Variants in SLC25A17 observed in about 807,000 individuals in gnomAD.
SLC25A17 encodes the protein solute carrier family 25 member 17, also known as peroxisomal membrane protein PMP34.
A neutral mutation model predicts 38.5 loss-of-function variants in SLC25A17; 26 were observed. The ratio of observed to expected loss-of-function variants is 0.68; its 90% CI spans 0.50 to 0.94. SLC25A17 has a LOEUF of 0.94. SLC25A17 is among the 40% of genes least tolerant of loss of function. SLC25A17 has a pLI of 0.00. For missense variants in SLC25A17, 333 were observed against 372.7 expected, an observed-to-expected ratio of 0.89 and a Z score of 0.88; for synonymous variants, 139 against 136.2, an observed-to-expected ratio of 1.02 and a Z score of -0.14.
chr22:40,793,668 A>C (rs2057402862), intron 3 of SLC25A17, among the ~76,000 whole-genome samples: 1 of 151,894 alleles, frequency 6.6e-6, no homozygotes, highest in African/African-American at 2.4e-5. Flanking sequence ...GCTGGAGTGC[A>C]ATGGCGCGAT....
chr22:40,781,831 A>G (rs534761475), intron 4 of SLC25A17, among the ~76,000 whole-genome samples: 1 of 152,148 alleles, frequency 6.6e-6, no homozygotes, highest in Non-Finnish European at 1.5e-5. Context: ...CACTGAGAGA[A>G]GCATGCCACA....
intron 4 of SLC25A17, among the ~76,000 whole-genome samples, chr22:40,786,630 A>C (rs907984243): frequency 2.6e-5 from 4 of 152,246 alleles, no homozygotes. Context: ...AAAAGTCTAC[A>C]TGTTCAGTAT....
At chr22:40,796,865 C>T (rs1375335962) in intron 2 of SLC25A17, among the ~76,000 whole-genome samples, 5 of 152,110 alleles carry the variant, frequency 3.3e-5, no homozygotes, top group African/African-American at 7.2e-5. Context: ...GAACACTCCA[C>T]GGCTGTAAGA....
intron 2 of SLC25A17, among the ~76,000 whole-genome samples, chr22:40,796,104 T>C (rs973276008): frequency 5.9e-5 from 9 of 152,168 alleles, no homozygotes; most frequent in Admixed American, 4.6e-4. Flanking sequence ...TTCAAGTTTC[T>C]TAAAGGGTTT....
chr22:40,800,855 G>GC (rs944611924), intron 1 of SLC25A17, among the ~76,000 whole-genome samples: 3 of 150,148 alleles, frequency 2.0e-5, no homozygotes, highest in Non-Finnish European at 4.4e-5. Flanking sequence ...ATCAATTCCA[G>GC]CACTCTGGGA....
intron 1 of SLC25A17, among the ~76,000 whole-genome samples, chr22:40,818,800 G>A (rs895577929): frequency 1.3e-5 from 2 of 151,964 alleles, no homozygotes; most frequent in East Asian, 1.9e-4. Context: ...CGCGGCAAGC[G>A]TGAAGACAGG....
rs1470913677 is a variant in SLC25A17, at chr22:40,778,877, C to T, written c.451+132G>A. 12 of 722,796 alleles carry T rather than the reference C, an allele frequency of 1.7e-5. No individual in the cohort carries two copies. In the South Asian group the frequency reaches 1.7e-4, roughly 10 times the overall value. The allele number at this position is 722,796 out of a possible 1,614,324, so 44.8% of individuals were successfully genotyped here. On this transcript the variant is annotated intron_variant, in intron 5 of 8. Coordinates refer to ENST00000435456, the MANE Select transcript of SLC25A17 (RefSeq NM_006358.4). ...TCAACAAAGAACTTAAACAAATTTACAAGAAAAAAAATCAAACAAACCCAT... is the reference window on the plus strand; with the variant it reads ...TCAACAAAGAACTTAAACAAATTTATAAGAAAAAAAATCAAACAAACCCAT...
chr22:40,799,160 C>T, intron 1 of SLC25A17, 77 bp from the exon 2 acceptor site: 1 of 1,114,566 alleles, frequency 9.0e-7, no homozygotes, highest in East Asian at 2.4e-5. Context: ...GAGACAGGAT[C>T]TTGCTCTGTC....
chr22:40,807,421 A>G (rs1241184541), intron 1 of SLC25A17, among the ~76,000 whole-genome samples: 1 of 152,178 alleles, frequency 6.6e-6, no homozygotes, highest in African/African-American at 2.4e-5. Context: ...CGCTCTTACT[A>G]TAATTAAAAC....
intron 4 of SLC25A17, chr22:40,779,366 A>C: frequency 9.6e-7 from 1 of 1,042,054 alleles, no homozygotes; most frequent in Non-Finnish European, 1.3e-6. Context: ...AAGAGCAATA[A>C]GTTCCCTCAT....
intron 4 of SLC25A17, among the ~76,000 whole-genome samples, chr22:40,784,845 T>A (rs2057324675): frequency 1.3e-5 from 2 of 149,142 alleles, no homozygotes; most frequent in Non-Finnish European, 3.0e-5. Flanking sequence ...TCTCAGTATA[T>A]AGTGAACTAT....
intron 1 of SLC25A17, among the ~76,000 whole-genome samples, chr22:40,807,160 AGGT>A (rs960905568): frequency 4.3e-4 from 66 of 152,218 alleles, no homozygotes; most frequent in Non-Finnish European, 8.2e-4. Context: ...AATGAGATAG[AGGT>A]GGTGGTTATA....
chr22:40,771,420 G>C (rs187515806), intron 8 of SLC25A17, among the ~76,000 whole-genome samples: 30 of 152,144 alleles, frequency 2.0e-4, no homozygotes, highest in Admixed American at 6.5e-4. Context: ...CTAGTTTTTG[G>C]TTCTTACAAA....
intron 1 of SLC25A17, among the ~76,000 whole-genome samples, chr22:40,803,948 GA>G (rs2057506505): frequency 6.6e-6 from 1 of 151,664 alleles, no homozygotes; most frequent in African/African-American, 2.4e-5. Context: ...TCCTTTCTCT[GA>G]ATGTTTCATT....
chr22:40,776,998 G>T, intron 7 of SLC25A17, 42 bp downstream of exon 7: 2 of 1,509,362 alleles, frequency 1.3e-6, no homozygotes, highest in South Asian at 1.1e-5. Context: ...ACATGTATTC[G>T]AATGCTGTTT....
rs1431283688 is a variant in SLC25A17, at chr22:40,795,788, CT to C, written c.116-1209del. On this transcript the variant is annotated intron_variant, in intron 2 of 8. Transcript: ENST00000435456. ...AAAGCCAGTATTAACATTCAAGTTTCTTTTTTCTTTTTTTTTTGAGACGGAG... is the reference window on the plus strand; with the variant it reads ...AAAGCCAGTATTAACATTCAAGTTTCTTTTTCTTTTTTTTTTGAGACGGAG... Among the ~76,000 whole-genome samples the C allele has an allele frequency of 1.2e-4, 18 of 152,006 alleles. No individual in the cohort carries two copies. The East Asian group carries it at 3.3e-3, about 28-fold the overall frequency.
intron 1 of SLC25A17, among the ~76,000 whole-genome samples, chr22:40,800,513 C>T (rs994076484): frequency 2.0e-5 from 3 of 152,154 alleles, no homozygotes; most frequent in Non-Finnish European, 4.4e-5. Flanking sequence ...ATTTTCCTGC[C>T]TTAGCATTCC....
At chr22:40,774,593 C>T (rs1473285178) in intron 7 of SLC25A17, among the ~76,000 whole-genome samples, 1 of 151,976 alleles carries the variant, frequency 6.6e-6, no homozygotes, top group Non-Finnish European at 1.5e-5. Context: ...GAAAATTCTA[C>T]CTCAAAAGAA....
intron 1 of SLC25A17, among the ~76,000 whole-genome samples, chr22:40,809,028 TTCATC>T (rs2057554189): frequency 6.6e-6 from 1 of 152,182 alleles, no homozygotes; most frequent in Admixed American, 6.5e-5. Context: ...ATCAATGCCA[TTCATC>T]TTATGACGTT....
Sources: gnomAD v4.1 joint callset for allele counts (sites outside exome capture counted in the v4.1 genomes callset) on GRCh38, gnomAD v4.1.1 for gene constraint, MANE v1.5 for transcripts, NCBI Gene and HGNC (gene_info 2026-07-23, HGNC 2026-07-21) for gene names.